The following SPMIP9 variants were observed in gnomAD, a reference collection of about 807,000 sequenced individuals.
SPMIP9 encodes the protein sperm microtubule inner protein 9.
the SPMIP9 span, chr2:88,525,495 G>A: frequency 3.5e-6 from 3 of 848,536 alleles, no homozygotes; most frequent in African/African-American, 3.3e-5. Flanking sequence ...GGAGTGACAT[G>A]CAGGGTAGGA....
the SPMIP9 span, chr2:88,528,923 C>A: frequency 1.2e-6 from 1 of 864,416 alleles, no homozygotes; most frequent in Non-Finnish European, 1.8e-6. Flanking sequence ...TATATGTTAC[C>A]ATTCAAGGAC....
At chr2:88,526,257 A>G in the SPMIP9 span, 2 of 646,296 alleles carry the variant, frequency 3.1e-6, no homozygotes, top group Non-Finnish European at 5.6e-6. Flanking sequence ...GCGGGATGGT[A>G]AAAATGGGTC....
At chr2:88,525,716 G>T in the SPMIP9 span, 15 of 1,610,948 alleles carry the variant, frequency 9.3e-6, no homozygotes, top group African/African-American at 1.6e-4. Context: ...CTCAGGGTTG[G>T]GTAGCCTCAG....
At chr2:88,528,272 G>A in the SPMIP9 span, among the ~76,000 whole-genome samples, 2 of 151,770 alleles carry the variant, frequency 1.3e-5, no homozygotes, top group Admixed American at 6.6e-5. Flanking sequence ...CGAGTAGCTG[G>A]GATTACAGGC....
chr2:88,528,580 C>G, the SPMIP9 span, among the ~76,000 whole-genome samples: 1 of 152,138 alleles, frequency 6.6e-6, no homozygotes, highest in Admixed American at 6.5e-5. Context: ...TTATCATTTT[C>G]TCTTTTCAAG....
chr2:88,525,502 A>G, the SPMIP9 span: 13 of 889,048 alleles, frequency 1.5e-5, no homozygotes, highest in East Asian at 2.4e-5. Flanking sequence ...CATGCAGGGT[A>G]GGAGCCCAGG....
At chr2:88,527,156 T>A in the SPMIP9 span, among the ~76,000 whole-genome samples, 5 of 151,966 alleles carry the variant, frequency 3.3e-5, no homozygotes, top group Non-Finnish European at 7.4e-5. Context: ...CCTCCTCCCA[T>A]CTCCAGAAGT....
At chr2:88,529,093 C>T in the SPMIP9 span, 11 of 1,613,892 alleles carry the variant, frequency 6.8e-6, no homozygotes, top group Non-Finnish European at 8.5e-6. Context: ...AAGAGTTTTA[C>T]AGGCCCATCC....
chr2:88,529,336 C>T, the SPMIP9 span: 12 of 1,614,036 alleles, frequency 7.4e-6, no homozygotes, highest in South Asian at 6.6e-5. Flanking sequence ...TTCCGTGCCT[C>T]GTGGATCCCA....
the SPMIP9 span, chr2:88,528,979 G>A: frequency 1.3e-6 from 2 of 1,487,022 alleles, no homozygotes; most frequent in Non-Finnish European, 1.8e-6. Flanking sequence ...CTCTGTCTTG[G>A]ATGCTTCCAA....
chr2:88,524,673 C>T, the SPMIP9 span: 2 of 152,412 alleles, frequency 1.3e-5, no homozygotes, highest in African/African-American at 4.8e-5. Context: ...CTCCATGTGG[C>T]AAGGGCACCT....
the SPMIP9 span, among the ~76,000 whole-genome samples, chr2:88,525,035 G>T: frequency 7.9e-5 from 12 of 152,160 alleles, no homozygotes; most frequent in Admixed American, 7.9e-4. Context: ...GCAGAGTCTT[G>T]CAACTTTCTT....
chr2:88,526,255 G>T, the SPMIP9 span: 1 of 643,378 alleles, frequency 1.6e-6, no homozygotes, highest in South Asian at 1.9e-5. Flanking sequence ...TGGCGGGATG[G>T]TAAAAATGGG....
the SPMIP9 span, among the ~76,000 whole-genome samples, chr2:88,526,761 T>A: frequency 2.0e-5 from 3 of 152,146 alleles, no homozygotes; most frequent in South Asian, 6.2e-4. Context: ...GCCGCCTGCC[T>A]GGATTCAAGC....
At chr2:88,528,187 C>T in the SPMIP9 span, among the ~76,000 whole-genome samples, 6 of 148,160 alleles carry the variant, frequency 4.0e-5, no homozygotes, top group Admixed American at 4.1e-4. Context: ...GCCCAGGCTG[C>T]AGTGCAGTGG....
At chr2:88,528,948 G>GA in the SPMIP9 span, 2 of 1,222,218 alleles carry the variant, frequency 1.6e-6, no homozygotes, top group Non-Finnish European at 2.3e-6. Flanking sequence ...TTAAAGTTTT[G>GA]AAAAAATAAA....
the SPMIP9 span, chr2:88,526,405 G>A: frequency 6.2e-7 from 1 of 1,611,226 alleles, no homozygotes; most frequent in African/African-American, 1.3e-5. Flanking sequence ...TGTGCTTTAG[G>A]ACCCTGTGGA....
At chr2:88,526,639 T>A in the SPMIP9 span, 33 of 692,066 alleles carry the variant, frequency 4.8e-5, no homozygotes, top group African/African-American at 4.6e-4. Context: ...AGAGATCTTT[T>A]CTGTGCATGT....
chr2:88,528,853 G>T, the SPMIP9 span, among the ~76,000 whole-genome samples: 2 of 152,174 alleles, frequency 1.3e-5, no homozygotes, highest in Admixed American at 6.5e-5. Flanking sequence ...GAGGAGAGTG[G>T]GAAAGAGACT....
Sources: gnomAD v4.1 joint callset for allele counts (sites outside exome capture counted in the v4.1 genomes callset) on GRCh38, gnomAD v4.1.1 for gene constraint, MANE v1.5 for transcripts, NCBI Gene and HGNC (gene_info 2026-07-23, HGNC 2026-07-21) for gene names.